Variants in GDF6 observed in about 807,000 individuals in gnomAD.
GDF6 encodes the protein growth/differentiation factor 6.
GDF6 carries 3 observed loss-of-function variants against 32.4 expected under a neutral mutation model. The ratio of observed to expected loss-of-function variants is 0.09; its 90% confidence interval spans 0.04 to 0.24. The LOEUF (loss-of-function observed/expected upper bound fraction) is 0.24. GDF6 is among the 10% of genes least tolerant of loss of function. GDF6 has a pLI of 1.00. For synonymous variants in GDF6, 296 were observed against 295.3 expected (o/e 1.00, Z -0.03); for missense variants, 589 against 637.9 (o/e 0.92, Z 0.83).
At chr8:96,154,306 C>G (rs983622435) in intron 1 of GDF6, among the ~76,000 whole-genome samples, 1 of 152,104 alleles carries the variant, frequency 6.6e-6, no homozygotes, top group African/African-American at 2.4e-5. Context: ...TTGTCCAGCG[C>G]CGCCCGCCGC....
At chr8:96,155,606 A>G (rs1161638191) in intron 1 of GDF6, among the ~76,000 whole-genome samples, 1 of 152,184 alleles carries the variant, frequency 6.6e-6, no homozygotes, top group East Asian at 1.9e-4. Context: ...ATACGCACAC[A>G]CTTGAACGCT....
intron 1 of GDF6, among the ~76,000 whole-genome samples, chr8:96,157,782 A>G (rs1158225823): frequency 6.6e-6 from 1 of 151,922 alleles, no homozygotes; most frequent in Non-Finnish European, 1.5e-5. Flanking sequence ...TATGACATGA[A>G]CCCTCAATTA....
chr8:96,144,923 C>T lies in GDF6; in HGVS notation c.1008G>A (p.Thr336=), dbSNP rs535049986. The T allele has an allele frequency of 2.4e-5, 39 of 1,600,646 alleles. No individual in the cohort carries two copies. Among genetic ancestry groups the T allele is most frequent in the Non-Finnish European group, 2.0e-5 (24 of 1,174,176 alleles). ...LPSPGRRRRR[T]AFASRHGKRH... ...GCTTGCCATGGCGACTGGCGAAGGCCGTGCGCCGCCGCCGGCGGCCGGGCG... is the reference window on the plus strand; with the variant it reads ...GCTTGCCATGGCGACTGGCGAAGGCTGTGCGCCGCCGCCGGCGGCCGGGCG... Residue 336 remains threonine, a synonymous_variant, in exon 2 of 2, where the codon ACG becomes ACA. Transcript: ENST00000287020. This position sits in a 1 kb window ranked among gnomAD's most constrained non-coding sequence, Gnocchi z 5.1.
chr8:96,144,242 A>AAGAGAGAGAGAGAGAG lies in GDF6; in HGVS notation c.*320_*321insCTCTCTCTCTCTCTCT, dbSNP rs886063199. On this transcript the variant is annotated 3_prime_UTR_variant, in exon 2 of 2. Transcript: ENST00000287020. This position sits in a 1 kb window ranked among gnomAD's most constrained non-coding sequence, Gnocchi z 5.1. ...ACATAAGGAAATCCAAAGCCACAGT[A>AAGAGAGAGAGAGAGAG]ATAGAGAGAGAGAGAGAGAGAGAGA... 13 of 190,112 alleles carry AAGAGAGAGAGAGAGAG rather than the reference A, an allele frequency of 6.8e-5. 1 individual carries two copies. The highest frequency in any genetic ancestry group is 4.0e-4 in the African/African-American group (7 of 17,486). The allele number at this position is 190,112 out of a possible 1,614,324, so 11.8% of individuals were successfully genotyped here. A position where few individuals can be genotyped will look rare whatever the true frequency, so the allele number is the denominator to read the frequency against.
chr8:96,159,145 G>A (rs188760377), intron 1 of GDF6, among the ~76,000 whole-genome samples: 1 of 152,364 alleles, frequency 6.6e-6, no homozygotes, highest in African/African-American at 2.4e-5. Flanking sequence ...AAGTCATGGA[G>A]CTAAGTCTAG....
In GDF6 at chr8:96,160,791, G is replaced by A. The variant is rs922215713; in HGVS notation, c.-99C>T. ...ACAGCGGCCGGGGCCCGGCTCCTCGGGCGGACTCGGAGTGCGAGGAGCCGG... is the reference window on the plus strand; with the variant it reads ...ACAGCGGCCGGGGCCCGGCTCCTCGAGCGGACTCGGAGTGCGAGGAGCCGG... On this transcript the variant is annotated 5_prime_UTR_variant, in exon 1 of 2. Coordinates refer to ENST00000287020, the MANE Select transcript of GDF6 (RefSeq NM_001001557.4). 3 of 1,226,428 alleles carry A rather than the reference G, an allele frequency of 2.4e-6. No individual in the cohort carries two copies. In the African/African-American group the frequency reaches 4.6e-5, roughly 19 times the overall value. 76.0% of individuals were successfully genotyped at this position (1,226,428 alleles called of 1,614,324 possible).
rs369318394 is a variant in GDF6, at chr8:96,150,216, C to T, written c.407-4692G>A. 1.1e-4 allele frequency among the ~76,000 whole-genome samples: 16 copies of T among 152,222 alleles called. No individual in the cohort carries two copies. In the East Asian group the frequency reaches 1.2e-3, roughly 11 times the overall value. ...CTTTGGGCTCCACGAGATTCCTCCG[C>T]GCGCACCTGGCTCACATCTCTGAGT... On this transcript the variant is annotated intron_variant, in intron 1 of 1. Transcript: ENST00000287020.
intron 1 of GDF6, among the ~76,000 whole-genome samples, chr8:96,157,980 G>A (rs1812696177): frequency 6.6e-6 from 1 of 152,164 alleles, no homozygotes; most frequent in Non-Finnish European, 1.5e-5. Context: ...TCCCGCCCGT[G>A]GCTCCGCACT....
At chr8:96,153,052 G>A (rs982615114) in intron 1 of GDF6, among the ~76,000 whole-genome samples, 2 of 152,194 alleles carry the variant, frequency 1.3e-5, no homozygotes, top group Non-Finnish European at 2.9e-5. Context: ...CCCTCACCTC[G>A]GGGCCTCAGC....
At position 96,142,657 on chromosome 8, in the gene GDF6, T is replaced by C. The variant is rs572008442; in HGVS notation, c.*1906A>G. ...ATAACGTTTTGTACATTAGGATGAATTGCATGCTGTCCATTTCCTCTTTGC... is the reference window on the plus strand; with the variant it reads ...ATAACGTTTTGTACATTAGGATGAACTGCATGCTGTCCATTTCCTCTTTGC... On this transcript the variant is annotated 3_prime_UTR_variant, in exon 2 of 2. Transcript: ENST00000287020. The C allele has an allele frequency of 6.5e-5, 10 of 152,768 alleles. No homozygotes were observed. Among genetic ancestry groups the C allele is most frequent in the African/African-American group, 2.4e-4 (10 of 41,582 alleles). 9.5% of individuals were successfully genotyped at this position (152,768 alleles called of 1,614,324 possible). A position where few individuals can be genotyped will look rare whatever the true frequency, so the allele number is the denominator to read the frequency against.
intron 1 of GDF6, among the ~76,000 whole-genome samples, chr8:96,148,869 A>G (rs1015026353): frequency 2.6e-5 from 4 of 152,216 alleles, no homozygotes; most frequent in Admixed American, 6.5e-5. Context: ...AGAAGGTCCA[A>G]GAAGGTGGCT....
Position 96,145,379 on chromosome 8 carries a change from G to T in GDF6, c.552C>A (p.Leu184=). The change falls in exon 2 of 2, where the codon CTC becomes CTA. Residue 184 remains leucine (L), a synonymous_variant. Transcript: ENST00000287020. This position sits in a 1 kb window ranked among gnomAD's most constrained non-coding sequence, Gnocchi z 5.6. ...SAPWGPPAGP[L]HVQLFPCLSP... is the part of the protein sequence containing the mutation. ...AAAGGCAAGGGAAGAGCTGCACGTG[G>T]AGCGGCCCGGCTGGTGGCCCCCAGG... 2 of 1,569,416 alleles carry T rather than the reference G, an allele frequency of 1.3e-6. 1 individual carries two copies. Among genetic ancestry groups the T allele is most frequent in the South Asian group, 2.3e-5 (2 of 87,600 alleles).
intron 1 of GDF6, among the ~76,000 whole-genome samples, chr8:96,152,560 G>C (rs138764578): frequency 1.8e-3 from 278 of 152,316 alleles, no homozygotes; most frequent in Non-Finnish European, 3.0e-3. Context: ...GACACATATT[G>C]ATGGGGAGGG....
intron 1 of GDF6, among the ~76,000 whole-genome samples, chr8:96,154,888 A>G (rs1452036250): frequency 6.6e-6 from 1 of 152,156 alleles, no homozygotes; most frequent in Non-Finnish European, 1.5e-5. Context: ...AAGAACCTCA[A>G]GGACTCCAGC....
intron 1 of GDF6, among the ~76,000 whole-genome samples, chr8:96,152,149 T>C (rs1812578991): frequency 6.6e-6 from 1 of 152,228 alleles, no homozygotes; most frequent in Non-Finnish European, 1.5e-5. Flanking sequence ...ATGAGAAAGA[T>C]GAAGACGCTT....
Position 96,144,683 on chromosome 8 carries a change from C to A in GDF6, c.1248G>T (p.Pro416=). Residue 416 remains proline (P), a synonymous_variant, in exon 2 of 2, where the codon CCG becomes CCT. Transcript: ENST00000287020. The surrounding 1 kb of genome is among the most constrained non-coding windows in gnomAD (Gnocchi z 5.1). The part of the protein sequence containing the change: ...LMNSMDPGST[P]PSCCVPTKLT... ...ATTTGGTGGGCACGCAGCAGCTGGGCGGGGTGGAGCCGGGGTCCATGGAGT... is the reference window on the plus strand; with the variant it reads ...ATTTGGTGGGCACGCAGCAGCTGGGAGGGGTGGAGCCGGGGTCCATGGAGT... 1.2e-6 allele frequency: 2 copies of A among 1,614,104 alleles called. No individual in the cohort carries two copies. The highest frequency in any genetic ancestry group is 1.7e-6 in the Non-Finnish European group (2 of 1,180,014).
chr8:96,159,040 A>G (rs2130235190), intron 1 of GDF6, among the ~76,000 whole-genome samples: 1 of 152,190 alleles, frequency 6.6e-6, no homozygotes, highest in South Asian at 2.1e-4. Context: ...GAGATGTGCG[A>G]GCACCCAGGG....
rs1016290824 is a variant in GDF6 at position 96,147,092 on chromosome 8, G to C, written c.407-1568C>G. Among the ~76,000 whole-genome samples the C allele has an allele frequency of 3.3e-5, 5 of 152,218 alleles. No individual in the cohort carries two copies. The South Asian group carries it at 1.0e-3, about 32-fold the overall frequency. On this transcript the variant is annotated intron_variant, in intron 1 of 1. Transcript: ENST00000287020. ...GTTTGGGTCGATTTCAATAGTAAAAGTGTCACTGGGCCCAGCATCCAACCC... is the reference window on the plus strand; with the variant it reads ...GTTTGGGTCGATTTCAATAGTAAAACTGTCACTGGGCCCAGCATCCAACCC...
chr8:96,160,024 C>A (rs948614379), intron 1 of GDF6, among the ~76,000 whole-genome samples: 1 of 152,172 alleles, frequency 6.6e-6, no homozygotes. Context: ...AAGCGGCAAC[C>A]ACGCTGCCTT....
Sources: gnomAD v4.1 joint callset for allele counts (sites outside exome capture counted in the v4.1 genomes callset) on GRCh38, gnomAD v4.1.1 for gene constraint, Gnocchi (gnomAD v3.1) non-coding constraint, MANE v1.5 for transcripts, NCBI Gene and HGNC (gene_info 2026-07-23, HGNC 2026-07-21) for gene names.